Variants in NF2 observed in about 807,000 individuals in gnomAD.
NF2 encodes the protein NF2, moesin-ezrin-radixin like (MERLIN) tumor suppressor, also known as merlin.
Under a neutral mutation model 83.7 loss-of-function variants are expected in NF2, and 8 were observed. The ratio of observed to expected loss-of-function variants is 0.10; its 90% CI spans 0.06 to 0.17. The LOEUF (loss-of-function observed/expected upper bound fraction) is 0.17, where lower values mean the gene tolerates loss of function less well. Ranked by LOEUF, NF2 falls within the 10% of genes least tolerant of loss-of-function variation. The pLI is 1.00. For synonymous variants in NF2, 266 were observed against 269.6 expected (o/e 0.99, Z 0.13); for missense variants, 533 against 744.4 (o/e 0.72, Z 3.31).
chr22:29,629,275 C>G (rs2065448645), intron 1 of NF2, among the ~76,000 whole-genome samples: 1 of 152,158 alleles, frequency 6.6e-6, no homozygotes, highest in South Asian at 2.1e-4. Flanking sequence ...TATATTACTG[C>G]ACTTTTTTAT....
intron 1 of NF2, among the ~76,000 whole-genome samples, chr22:29,613,152 G>A (rs1057317067): frequency 1.3e-5 from 2 of 151,660 alleles, no homozygotes; most frequent in Non-Finnish European, 2.9e-5. Context: ...AATCGCAAGG[G>A]ACCCACAATA....
intron 15 of NF2, among the ~76,000 whole-genome samples, chr22:29,684,871 C>T (rs549192451): frequency 2.6e-5 from 4 of 151,992 alleles, no homozygotes; most frequent in Middle Eastern, 3.4e-3. Context: ...GGTCAGTGAC[C>T]GGGACTGATG....
chr22:29,683,167 C>T lies in NF2; in HGVS notation c.1737+1566C>T, dbSNP rs2067190788. The T allele has an allele frequency of 1.9e-6, 3 of 1,612,720 alleles. No individual in the cohort carries two copies. The South Asian group carries it at 3.3e-5, about 18-fold the overall frequency. ...TCTCTGTCCTCGGGCCACACTGAGCCCTTACGAGGGCAGGTGGTGCCTGGG... is the reference window on the plus strand; with the variant it reads ...TCTCTGTCCTCGGGCCACACTGAGCTCTTACGAGGGCAGGTGGTGCCTGGG... On this transcript the variant is annotated intron_variant, in intron 15 of 15. Coordinates refer to ENST00000338641, the MANE Select transcript of NF2 (RefSeq NM_000268.4).
chr22:29,663,332 C>T (rs2147024442), intron 8 of NF2, among the ~76,000 whole-genome samples: 1 of 152,336 alleles, frequency 6.6e-6, no homozygotes, highest in African/African-American at 2.4e-5. Flanking sequence ...TGGCCTGACA[C>T]AGTAAACTCT....
intron 15 of NF2, among the ~76,000 whole-genome samples, chr22:29,688,089 A>G (rs1046802178): frequency 2.6e-5 from 4 of 152,194 alleles, no homozygotes; most frequent in African/African-American, 7.2e-5. Context: ...GTAGCTCTAG[A>G]TAGAAGACTG....
intron 1 of NF2, among the ~76,000 whole-genome samples, chr22:29,625,744 G>A (rs956432885): frequency 6.6e-6 from 1 of 152,212 alleles, no homozygotes; most frequent in South Asian, 2.1e-4. Context: ...TCCTAGTGCA[G>A]GAATCTGTGT....
chr22:29,634,090 A>G lies in NF2; in HGVS notation c.115-2661A>G, dbSNP rs554019156. On this transcript the variant is annotated intron_variant, in intron 1 of 15. Coordinates refer to ENST00000338641, the MANE Select transcript of NF2 (RefSeq NM_000268.4). ...CACAGAACAGGAAAAGAGGCACTCT[A>G]GGGTCTGCGGTTTGCCTATGTTAGA... 6.6e-4 allele frequency among the ~76,000 whole-genome samples: 100 copies of G among 152,296 alleles called. 1 individual carries two copies. Among genetic ancestry groups the G allele is most frequent in the African/African-American group, 2.4e-3 (98 of 41,556 alleles).
At chr22:29,647,419 C>A (rs898047580) in intron 4 of NF2, among the ~76,000 whole-genome samples, 12 of 152,156 alleles carry the variant, frequency 7.9e-5, no homozygotes, top group African/African-American at 2.9e-4. Flanking sequence ...AAGGTCTTAA[C>A]TTTATCCTGT....
intron 11 of NF2, among the ~76,000 whole-genome samples, chr22:29,672,693 G>T (rs931166499): frequency 4.6e-5 from 7 of 150,546 alleles, no homozygotes; most frequent in Non-Finnish European, 8.8e-5. Flanking sequence ...TTGGCTCACT[G>T]CAACCTCCGC....
At chr22:29,675,426 A>G (rs2066931685) in intron 13 of NF2, among the ~76,000 whole-genome samples, 1 of 152,132 alleles carries the variant, frequency 6.6e-6, no homozygotes, top group Non-Finnish European at 1.5e-5. Flanking sequence ...ATGGGGTCAC[A>G]AAATGAATAG....
intron 15 of NF2, among the ~76,000 whole-genome samples, chr22:29,692,096 G>A (rs1027837419): frequency 6.6e-6 from 1 of 152,180 alleles, no homozygotes; most frequent in Non-Finnish European, 1.5e-5. Flanking sequence ...TCTAAGGGGC[G>A]AGCAGCAGTG....
intron 2 of NF2, 135 bp from the exon 3 acceptor site, chr22:29,638,955 A>T: frequency 7.6e-7 from 1 of 1,308,066 alleles, no homozygotes; most frequent in South Asian, 1.2e-5. Flanking sequence ...CAAACTGTAA[A>T]ATCACAACTT....
intron 1 of NF2, among the ~76,000 whole-genome samples, chr22:29,618,380 C>G (rs1403676614): frequency 2.0e-5 from 3 of 152,166 alleles, no homozygotes; most frequent in Non-Finnish European, 4.4e-5. Context: ...AAGAAGGACT[C>G]AATTTCAGAA....
Position 29,639,143 on chromosome 22 carries a change from C to T in NF2, c.294C>T (p.Ala98=), listed in dbSNP as rs1555987671. ...KEEPVTFHFL[A]KFYPENAEEE... ...AACCAGTCACCTTTCACTTCTTGGC[C>T]AAATTTTATCCTGAGAATGCTGAAG... Residue 98 remains alanine (A), a synonymous_variant, in exon 3 of 16, where the codon GCC becomes GCT. Coordinates refer to ENST00000338641, the MANE Select transcript of NF2 (RefSeq NM_000268.4). 4 of 1,614,148 alleles carry T rather than the reference C, an allele frequency of 2.5e-6. No homozygotes were observed. The highest frequency in any genetic ancestry group is 3.4e-6 in the Non-Finnish European group (4 of 1,180,004).
intron 1 of NF2, among the ~76,000 whole-genome samples, chr22:29,625,799 C>G (rs909008648): frequency 6.6e-6 from 1 of 152,180 alleles, no homozygotes. Context: ...TAAAGACAGC[C>G]TTTTCTCTTC....
At chr22:29,665,117 T>C in intron 9 of NF2, 53 bp downstream of exon 9, 1 of 1,316,686 alleles carries the variant, frequency 7.6e-7, no homozygotes, top group Non-Finnish European at 1.1e-6. Context: ...TTCTGAGAAT[T>C]GAATACTTCT....
rs140176202 is a variant in NF2, at chr22:29,665,184, G to A, written c.885+120G>A. The A allele has an allele frequency of 5.1e-4, 410 of 808,680 alleles. 1 individual carries two copies. Among genetic ancestry groups the A allele is most frequent in the African/African-American group, 3.9e-3 (229 of 58,340 alleles). 50.1% of individuals were successfully genotyped at this position (808,680 alleles called of 1,614,324 possible). On this transcript the variant is annotated intron_variant, in intron 9 of 15. Coordinates refer to ENST00000338641, the MANE Select transcript of NF2 (RefSeq NM_000268.4). ...AGTATAGAATGGTATCTCACTTGGC[G>A]CATACTTTCTGTTTAGCTTAAAGAG...
rs536068210 is a variant in NF2, at chr22:29,630,656, G to C, written c.115-6095G>C. ...CTTTCTCTCTTTCTTCTTCCCGCAA[G>C]TCACCTTTCTCACGCCCTCCACCTC... On this transcript the variant is annotated intron_variant, in intron 1 of 15. Transcript: ENST00000338641. Among the ~76,000 whole-genome samples, 19 of 152,290 alleles carry C rather than the reference G, an allele frequency of 1.2e-4. No individual in the cohort carries two copies. The Middle Eastern group carries it at 0.01, about 82-fold the overall frequency.
At chr22:29,660,003 G>T (rs2066430390) in intron 7 of NF2, among the ~76,000 whole-genome samples, 1 of 152,190 alleles carries the variant, frequency 6.6e-6, no homozygotes. Context: ...TCTCTTCACA[G>T]TCCCAGTACC....
Sources: allele counts gnomAD v4.1 joint callset (sites outside exome capture counted in the v4.1 genomes callset), GRCh38; gene constraint gnomAD v4.1.1; transcripts MANE v1.5; gene names NCBI Gene and HGNC (gene_info 2026-07-23, HGNC 2026-07-21).